Variants in TGIF1 observed in about 807,000 individuals in gnomAD.
The protein encoded by TGIF1 is TGFB induced factor homeobox 1, also known as homeobox protein TGIF1.
TGIF1 carries 4 observed loss-of-function variants against 19.3 expected under a neutral mutation model. That is an observed-to-expected ratio of 0.21 (90% CI 0.10 to 0.47). The LOEUF (loss-of-function observed/expected upper bound fraction) is 0.47. TGIF1 is among the 20% of genes least tolerant of loss of function. The pLI is 0.98. For missense variants in TGIF1, 275 were observed against 341.4 expected, an observed-to-expected ratio of 0.81 and a Z score of 1.53; for synonymous variants, 122 against 129.3, an observed-to-expected ratio of 0.94 and a Z score of 0.38.
At chr18:3,453,753 A>T in intron 1 of TGIF1, 1 of 972,882 alleles carries the variant, frequency 1.0e-6, no homozygotes, top group Non-Finnish European at 1.2e-6. Context: ...TGGGATCCTC[A>T]GGCCATGTTG....
In TGIF1 at chr18:3,456,734, T is replaced by C. The variant is rs1201103986; in HGVS notation, c.243+154T>C. 1.3e-6 allele frequency: 1 copy of C among 752,534 alleles called. No homozygotes were observed. Among genetic ancestry groups the C allele is most frequent in the Non-Finnish European group, 2.3e-6 (1 of 430,492 alleles). The allele number at this position is 752,534 out of a possible 1,614,324, so 46.6% of individuals were successfully genotyped here. ...CTTGATAGTGTTAAAAGCTAATAAC[T>C]AGCTATTTAGAGAACACAGAAACAC... On this transcript the variant is annotated intron_variant, in intron 2 of 2. Coordinates refer to ENST00000343820, the MANE Select transcript of TGIF1 (RefSeq NM_003244.4). This position sits in a 1 kb window ranked among gnomAD's most constrained non-coding sequence, Gnocchi z 4.2.
Position 3,450,352 on chromosome 18 carries a change from T to C in TGIF1, c.-138T>C. 6 of 1,507,376 alleles carry C rather than the reference T, an allele frequency of 4.0e-6. No homozygotes were observed. Among genetic ancestry groups the C allele is most frequent in the Non-Finnish European group, 5.3e-6 (6 of 1,123,924 alleles). 93.4% of individuals were successfully genotyped at this position (1,507,376 alleles called of 1,614,324 possible). A position where few individuals can be genotyped will look rare whatever the true frequency, so the allele number is the denominator to read the frequency against. ...GGCGCCTGGGATCAGAGCGTCCTGTTTAGCAATAACGGCTGGAGCACGTCC... is the reference window on the plus strand; with the variant it reads ...GGCGCCTGGGATCAGAGCGTCCTGTCTAGCAATAACGGCTGGAGCACGTCC... On this transcript the variant is annotated 5_prime_UTR_variant, in exon 1 of 3. Coordinates refer to ENST00000343820, the MANE Select transcript of TGIF1 (RefSeq NM_003244.4).
chr18:3,451,833 T>C lies in TGIF1; in HGVS notation c.16+1328T>C. 1 of 1,370,748 alleles carries C rather than the reference T, an allele frequency of 7.3e-7. No individual in the cohort carries two copies. The highest frequency in any genetic ancestry group is 9.4e-7 in the Non-Finnish European group (1 of 1,061,842). The allele number at this position is 1,370,748 out of a possible 1,614,324, so 84.9% of individuals were successfully genotyped here. On this transcript the variant is annotated intron_variant, in intron 1 of 2. Coordinates refer to ENST00000343820, the MANE Select transcript of TGIF1 (RefSeq NM_003244.4). The surrounding 1 kb of genome is among the most constrained non-coding windows in gnomAD (Gnocchi z 5.4). ...CGGAGGGAGGACTCGGGACAGGGAA[T>C]TGGCCCTGGGAGAAAACGCGCGGGG...
At chr18:3,434,955 G>T (rs1187181823) in intron 2 of TGIF1, among the ~76,000 whole-genome samples, 1 of 152,104 alleles carries the variant, frequency 6.6e-6, no homozygotes, top group Non-Finnish European at 1.5e-5. Context: ...TTCTGGCATG[G>T]ACCTGGCCTG....
chr18:3,422,267 T>C (rs1449300549), intron 2 of TGIF1, among the ~76,000 whole-genome samples: 2 of 145,770 alleles, frequency 1.4e-5, no homozygotes, highest in South Asian at 2.2e-4. Flanking sequence ...TGTGTTTGTG[T>C]TTCAGTTTTT....
At chr18:3,418,032 T>G (rs1240879031) in intron 1 of TGIF1, 1 of 120,992 alleles carries the variant, frequency 8.3e-6, no homozygotes, top group African/African-American at 4.7e-5. Flanking sequence ...CGAAGTTGGT[T>G]TTTTTTTTTC....
chr18:3,440,676 A>T (rs1297618042), intron 2 of TGIF1, among the ~76,000 whole-genome samples: 1 of 152,238 alleles, frequency 6.6e-6, no homozygotes, highest in African/African-American at 2.4e-5. Flanking sequence ...AGATTTGTGA[A>T]AAATCTCCTT....
At chr18:3,454,175 G>C (rs1280761648) in intron 1 of TGIF1, among the ~76,000 whole-genome samples, 1 of 152,190 alleles carries the variant, frequency 6.6e-6, no homozygotes, top group Non-Finnish European at 1.5e-5. Context: ...ACAGAGTAAA[G>C]TCGCGCTGCA....
intron 2 of TGIF1, among the ~76,000 whole-genome samples, chr18:3,442,694 T>C (rs1353359373): frequency 6.6e-6 from 1 of 152,126 alleles, no homozygotes; most frequent in Non-Finnish European, 1.5e-5. Context: ...AAGACCAGCC[T>C]GGGCAACATA....
intron 1 of TGIF1, among the ~76,000 whole-genome samples, chr18:3,416,415 C>T (rs1190110760): frequency 1.3e-5 from 2 of 152,048 alleles, no homozygotes; most frequent in Admixed American, 1.3e-4. Context: ...GCTACAGAGG[C>T]TGAGGCAGGA....
At chr18:3,438,869 G>C (rs1284895108) in intron 2 of TGIF1, among the ~76,000 whole-genome samples, 1 of 152,054 alleles carries the variant, frequency 6.6e-6, no homozygotes, top group Admixed American at 6.6e-5. Context: ...TAAGCTAGTA[G>C]AACTAAAAGC....
upstream of TGIF1, among the ~76,000 whole-genome samples, chr18:3,445,992 T>A (rs2082740487): frequency 6.6e-6 from 1 of 152,060 alleles, no homozygotes. Context: ...GGGTACCCAG[T>A]TTTATGCCTT....
At position 3,415,665 on chromosome 18, in the gene TGIF1, G is replaced by A. The variant is rs376088099; in HGVS notation, c.-117-2478G>A. The A allele has an allele frequency of 2.1e-5, 4 of 189,600 alleles. No homozygotes were observed. The East Asian group carries it at 3.7e-4, about 18-fold the overall frequency. The allele number at this position is 189,600 out of a possible 1,614,324, so 11.7% of individuals were successfully genotyped here. ...TTGGTTACATAAGAGTGCAACTTCA[G>A]AATGAAGATAGGCCAAGGTCTCACT... is the stretch of plus-strand genomic sequence containing the variant. On this transcript the variant is annotated intron_variant, in intron 1 of 3. Transcript: ENST00000401449.
chr18:3,417,818 G>T (rs2082352224), intron 1 of TGIF1, among the ~76,000 whole-genome samples: 1 of 151,962 alleles, frequency 6.6e-6, no homozygotes, highest in South Asian at 2.1e-4. Context: ...GGTTATTCTG[G>T]CCGGGTGCAG....
At chr18:3,438,909 A>G (rs2082649054) in intron 2 of TGIF1, among the ~76,000 whole-genome samples, 3 of 152,224 alleles carry the variant, frequency 2.0e-5, no homozygotes, top group African/African-American at 7.2e-5. Context: ...ATAAAATGGA[A>G]TTGTTCTCTC....
intron 2 of TGIF1, among the ~76,000 whole-genome samples, chr18:3,434,578 G>C (rs191605944): frequency 6.6e-6 from 1 of 152,196 alleles, no homozygotes; most frequent in African/African-American, 2.4e-5. Flanking sequence ...AGCCAGGCGT[G>C]GTGGCATGCG....
At chr18:3,412,123 G>A (rs1318711496) in exon 1 of TGIF1, 2 of 153,196 alleles carry the variant, frequency 1.3e-5, no homozygotes, top group Non-Finnish European at 2.9e-5. Flanking sequence ...GGGCCGCAGG[G>A]AGCCAGAGAC....
chr18:3,431,322 C>T (rs2082543972), intron 2 of TGIF1, among the ~76,000 whole-genome samples: 1 of 151,958 alleles, frequency 6.6e-6, no homozygotes, highest in Admixed American at 6.6e-5. Context: ...TGGTGGGTGC[C>T]GGTGATCCCA....
intron 1 of TGIF1, among the ~76,000 whole-genome samples, chr18:3,414,681 C>G (rs2082308686): frequency 6.6e-6 from 1 of 152,206 alleles, no homozygotes; most frequent in South Asian, 2.1e-4. Flanking sequence ...TGAAGTCTCT[C>G]TCAACATTCC....
Sources: allele counts gnomAD v4.1 joint callset (sites outside exome capture counted in the v4.1 genomes callset), GRCh38; gene constraint gnomAD v4.1.1; non-coding constraint Gnocchi (gnomAD v3.1); transcripts MANE v1.5; gene names NCBI Gene and HGNC (gene_info 2026-07-23, HGNC 2026-07-21).